FASN: variants seen among roughly 807,000 people sequenced by gnomAD.
FASN encodes the protein 3-hydroxyacyl-[acyl-carrier-protein] dehydratase.
Under a neutral mutation model 250.0 loss-of-function variants are expected in FASN, and 50 were observed. The observed-to-expected ratio is 0.20, with a 90% CI of 0.16 to 0.25. The LOEUF is 0.25. Among genes scored for constraint, FASN ranks in the 10% least tolerant of loss-of-function variants. The probability of loss-of-function intolerance (pLI) is 1.00; values close to 1 mark genes in which losing one functional copy is unlikely to be tolerated. For missense variants in FASN, 3,031 were observed against 3,498.5 expected (o/e 0.87, Z 3.37); for synonymous variants, 1,909 against 1,584.0 (o/e 1.21, Z -4.87).
rs775134840 is a variant in FASN at position 82,082,025 on chromosome 17, C to A, written c.6147G>T (p.Arg2049=). Residue 2049 remains arginine (R), a synonymous_variant, in exon 36 of 43, where the codon CGG becomes CGT. Coordinates refer to ENST00000306749, the MANE Select transcript of FASN (RefSeq NM_004104.5). ...GGGGCCCACCTGGGAGGCCTTCGTG[C>A]CGGCGTTTCTCACAGATACGCTCCA... ...SAMERICEKR[R]HEGLPGLAVQ... The A allele has an allele frequency of 3.7e-6, 6 of 1,609,194 alleles. No individual in the cohort carries two copies. Among genetic ancestry groups the A allele is most frequent in the Non-Finnish European group, 5.1e-6 (6 of 1,179,910 alleles).
At position 82,085,472 on chromosome 17, in the gene FASN, G is replaced by A; in HGVS notation, c.4122+10C>T. 6.3e-7 allele frequency: 1 copy of A among 1,590,618 alleles called. No homozygotes were observed. The highest frequency in any genetic ancestry group is 8.6e-7 in the Non-Finnish European group (1 of 1,169,562). ...GGCCCCCACCCTGTCCCCCTGCCCG[G>A]CGGCCGCACCTGGCTCAGGATGCCC... On this transcript the variant is annotated intron_variant, in intron 23 of 42. Coordinates refer to ENST00000306749, the MANE Select transcript of FASN (RefSeq NM_004104.5).
chr17:82,097,917 C>A lies in FASN; in HGVS notation c.-8+204G>T, dbSNP rs1364333597. Among the ~76,000 whole-genome samples, 3 of 152,152 alleles carry A rather than the reference C, an allele frequency of 2.0e-5. No individual in the cohort carries two copies. In the East Asian group the frequency reaches 5.8e-4, roughly 29 times the overall value. The stretch of plus-strand genomic sequence containing the variant: ...TCCCCGGCGTCCTTCCCCCGCCATC[C>A]GCCCACCTACTCCGCGGGGCCCCGG... On this transcript the variant is annotated intron_variant, in intron 1 of 42. Coordinates refer to ENST00000306749, the MANE Select transcript of FASN (RefSeq NM_004104.5).
chr17:82,079,300 C>A lies in FASN; in HGVS notation c.7399-20G>T, dbSNP rs1225662309. ...GCATACCTGCAGGGGATGCGATCAG[C>A]TGCCGTCCCACCCCACTCCTGTCCC... is the stretch of plus-strand genomic sequence containing the variant. On this transcript the variant is annotated intron_variant, in intron 42 of 42. Coordinates refer to ENST00000306749, the MANE Select transcript of FASN (RefSeq NM_004104.5). 1 of 1,613,024 alleles carries A rather than the reference C, an allele frequency of 6.2e-7. No homozygotes were observed. Among genetic ancestry groups the A allele is most frequent in the Non-Finnish European group, 8.5e-7 (1 of 1,179,934 alleles).
chr17:82,085,146 G>A lies in FASN; in HGVS notation c.4298C>T (p.Ala1433Val). 1 of 1,612,600 alleles carries A rather than the reference G, an allele frequency of 6.2e-7. No homozygotes were observed. Among genetic ancestry groups the A allele is most frequent in the Non-Finnish European group, 8.5e-7 (1 of 1,179,938 alleles). The change falls in exon 25 of 43, where the codon GCT becomes GTT. Residue 1433 changes from alanine (A) to valine (V), a missense_variant. Transcript: ENST00000306749. The stretch of plus-strand genomic sequence containing the variant: ...CACAGGCCGGGAAGAGTCTTCGTCA[G>A]CCAGGATGCCCTACAGCGGGTCGGG... ...RWVESLKGILADEDSSRPVWL... is the reference protein window; with the variant it reads ...RWVESLKGILVDEDSSRPVWL...
intron 3 of FASN, 29 bp from the exon 4 acceptor site, chr17:82,093,800 G>A (rs773050369): frequency 9.3e-6 from 15 of 1,610,034 alleles, no homozygotes; most frequent in South Asian, 6.6e-5. Context: ...AAGGTGCCAC[G>A]GCCGGGCCCC....
At chr17:82,086,712 A>G (rs1255334548) in intron 21 of FASN, among the ~76,000 whole-genome samples, 154 bp from the exon 22 acceptor site, 1 of 152,134 alleles carries the variant, frequency 6.6e-6, no homozygotes, top group South Asian at 2.1e-4. Context: ...GCTGCCCACC[A>G]CTGGGAGGCT....
intron 10 of FASN, 41 bp downstream of exon 10, chr17:82,090,841 T>TGG (rs754746126): frequency 4.5e-6 from 7 of 1,551,242 alleles, no homozygotes; most frequent in Non-Finnish European, 2.6e-6. Flanking sequence ...GCCAGAGCCC[T>TGG]GGGGCTGGCG....
In FASN at chr17:82,091,410, T is replaced by C. The variant is rs766211253; in HGVS notation, c.1304A>G (p.Gln435Arg). 4 of 1,609,718 alleles carry C rather than the reference T, an allele frequency of 2.5e-6. No homozygotes were observed. In the South Asian group the frequency reaches 4.4e-5, roughly 18 times the overall value. Residue 435 changes from glutamine to arginine, a missense_variant, in exon 9 of 43, where the codon CAG becomes CGG. Coordinates refer to ENST00000306749, the MANE Select transcript of FASN (RefSeq NM_004104.5). ...CCGGAGGCCCTGCTCCAGCAGCTTCTGCACGGCCTCAGGGGTGCGTCCGCT... is the reference window on the plus strand; with the variant it reads ...CCGGAGGCCCTGCTCCAGCAGCTTCCGCACGGCCTCAGGGGTGCGTCCGCT... ...RASGRTPEAVQKLLEQGLRHS... is the reference protein window; with the variant it reads ...RASGRTPEAVRKLLEQGLRHS...
rs1325108382 is a variant in FASN at position 82,079,358 on chromosome 17, T to C, written c.7397A>G (p.Gln2466Arg). 1.9e-6 allele frequency: 3 copies of C among 1,612,984 alleles called. No homozygotes were observed. Among genetic ancestry groups the C allele is most frequent in the South Asian group, 1.1e-5 (1 of 91,090 alleles). Residue 2466 changes from glutamine (Q) to arginine (R), a missense_variant and splice_region_variant, in exon 42 of 43, where the codon CAG (glutamine) becomes CGG (arginine). Physicochemically the swap from Gln to Arg is conservative, Grantham distance 43. Coordinates refer to ENST00000306749, the MANE Select transcript of FASN (RefSeq NM_004104.5). ...GTTCCCGTCAGGCCCCTTGCGCACC[T>C]GGGAGAGGTTGTAGTCCGCGCCCAG... ...EDLGADYNLS[Q>R]VCDGKVSVHV... is the part of the protein sequence containing the mutation.
Position 82,088,499 on chromosome 17 carries a change from G to C in FASN, c.2484C>G (p.Pro828=). 6.2e-7 allele frequency: 1 copy of C among 1,609,458 alleles called. No homozygotes were observed. Among genetic ancestry groups the C allele is most frequent in the Non-Finnish European group, 8.5e-7 (1 of 1,177,460 alleles). Reference sequence around the variant, plus strand: ...CCCACTTGATGAGTGGGGAGATGAGGGGAGTTCCTCGGGGAGCTGGGAACT... The same window carrying C: ...CCCACTTGATGAGTGGGGAGATGAGCGGAGTTCCTCGGGGAGCTGGGAACT... ...PVEFPAPRGT[P]LISPLIKWDH... The change falls in exon 16 of 43, where the codon CCC becomes CCG. Residue 828 remains proline (P), a synonymous_variant. Transcript: ENST00000306749.
At position 82,083,080 on chromosome 17, in the gene FASN, C is replaced by A. The variant is rs1238461379; in HGVS notation, c.5601G>T (p.Gly1867=). 1 of 1,611,286 alleles carries A rather than the reference C, an allele frequency of 6.2e-7. No homozygotes were observed. The highest frequency in any genetic ancestry group is 8.5e-7 in the Non-Finnish European group (1 of 1,179,980). The stretch of plus-strand genomic sequence containing the variant: ...TGGCCGACATCAGCTTGGGTTTGGC[C>A]CCCTTCAGCACTGCCTCCGGCTCCT... The part of the protein sequence containing the change: ...LAEEPEAVLK[G]AKPKLMSAIS... Residue 1867 remains glycine (G), a synonymous_variant, in exon 33 of 43, where the codon GGG becomes GGT. Coordinates refer to ENST00000306749, the MANE Select transcript of FASN (RefSeq NM_004104.5).
Position 82,083,611 on chromosome 17 carries a change from C to T in FASN, c.5247G>A (p.Ala1749=), listed in dbSNP as rs776715958. 3.1e-6 allele frequency: 5 copies of T among 1,610,938 alleles called. No individual in the cohort carries two copies. Among genetic ancestry groups the T allele is most frequent in the Non-Finnish European group, 4.2e-6 (5 of 1,179,208 alleles). Residue 1749 remains alanine (A), a synonymous_variant, in exon 31 of 43, where the codon GCG becomes GCA. Coordinates refer to ENST00000306749, the MANE Select transcript of FASN (RefSeq NM_004104.5). ...KGVDLVLNSL[A]EEKLQASVRC... ...TCACGCTGGCCTGCAGCTTCTCTTC[C>T]GCCAAGGAGTTCAAGACCAGGTCAA...
rs1295350756 is a variant in FASN, at chr17:82,082,672, T to G, written c.5774A>C (p.Gln1925Pro). 1.2e-6 allele frequency: 2 copies of G among 1,608,904 alleles called. No homozygotes were observed. Among genetic ancestry groups the G allele is most frequent in the Admixed American group, 3.3e-5 (2 of 60,006 alleles). ...CCTCCACCGGCGGACCTGCTTGGCC[T>G]GGTAGCCTGCGGGACACAGGACTGT... ...TSRSGIRTGY[Q>P]AKQVRRWRRQ... The change falls in exon 34 of 43, where the codon CAG (glutamine) becomes CCG (proline). Residue 1925 changes from glutamine to proline, a missense_variant. Gln to Pro is a moderately conservative substitution (Grantham distance 76). Coordinates refer to ENST00000306749, the MANE Select transcript of FASN (RefSeq NM_004104.5).
rs748423164 is a variant in FASN, at chr17:82,084,892, C to T, written c.4471G>A (p.Ala1491Thr). ...SHVPEVDPGS[A>T]ELQKVLQGDL... ...CCCTGCAACACCTTCTGCAGTTCTGCGGAGCCCGGGTCCACCTCCGGGACG... is the reference window on the plus strand; with the variant it reads ...CCCTGCAACACCTTCTGCAGTTCTGTGGAGCCCGGGTCCACCTCCGGGACG... Residue 1491 changes from alanine (A) to threonine (T), a missense_variant, in exon 26 of 43, where the codon GCA becomes ACA. Coordinates refer to ENST00000306749, the MANE Select transcript of FASN (RefSeq NM_004104.5). The T allele has an allele frequency of 4.2e-5, 65 of 1,550,960 alleles. No individual in the cohort carries two copies. Among genetic ancestry groups the T allele is most frequent in the South Asian group, 9.5e-5 (8 of 84,198 alleles).
chr17:82,097,714 C>A (rs200604639), intron 1 of FASN, among the ~76,000 whole-genome samples: 1 of 151,998 alleles, frequency 6.6e-6, no homozygotes, highest in Non-Finnish European at 1.5e-5. Context: ...GGCCCCTGCG[C>A]CCCCCCGTTC....
At position 82,084,624 on chromosome 17, in the gene FASN, G is replaced by A. The variant is rs1214084171; in HGVS notation, c.4657C>T (p.His1553Tyr). The A allele has an allele frequency of 6.2e-7, 1 of 1,604,838 alleles. No homozygotes were observed. The highest frequency in any genetic ancestry group is 2.2e-5 in the East Asian group (1 of 44,594). ...SIRWVCSSLR[H>Y]AQPTCPGAQL... ...GCGCCAGGGCAGGTGGGCTGGGCATGGCGCAGCGAGGAGCAGACCCAGCGG... is the reference window on the plus strand; with the variant it reads ...GCGCCAGGGCAGGTGGGCTGGGCATAGCGCAGCGAGGAGCAGACCCAGCGG... Residue 1553 changes from histidine (H) to tyrosine (Y), a missense_variant, in exon 27 of 43, where the codon CAT becomes TAT. Physicochemically the swap from His to Tyr is moderately conservative, Grantham distance 83. Coordinates refer to ENST00000306749, the MANE Select transcript of FASN (RefSeq NM_004104.5).
At chr17:82,096,668 C>A in intron 1 of FASN, 2 of 655,068 alleles carry the variant, frequency 3.1e-6, no homozygotes, top group Non-Finnish European at 5.3e-6. Flanking sequence ...GGAACAGGCC[C>A]GCCTCTGGGC....
In FASN at chr17:82,081,642, T is replaced by C; in HGVS notation, c.6365A>G (p.Asp2122Gly). The C allele has an allele frequency of 3.1e-6, 5 of 1,612,462 alleles. No homozygotes were observed. The highest frequency in any genetic ancestry group is 4.2e-6 in the Non-Finnish European group (5 of 1,179,744). Residue 2122 changes from aspartate to glycine, a missense_variant, in exon 37 of 43, where the codon GAC becomes GGC. Transcript: ENST00000306749. ...GGCCTCCACCAGGTCCCGCTGGCTG[T>C]CCCTGTCCCTATAGGCCGCAGCCTT... ...AEKAAAYRDR[D>G]SQRDLVEAVA... is the part of the protein sequence containing the mutation.
At chr17:82,092,325 G>A (rs986642434) in intron 8 of FASN, 130 bp downstream of exon 8, 2 of 988,412 alleles carry the variant, frequency 2.0e-6, no homozygotes, top group Non-Finnish European at 3.0e-6. Context: ...CATAGCCCGG[G>A]GGACAGAGGC....
Sources: allele counts gnomAD v4.1 joint callset (sites outside exome capture counted in the v4.1 genomes callset), GRCh38; gene constraint gnomAD v4.1.1; transcripts MANE v1.5; gene names NCBI Gene and HGNC (gene_info 2026-07-23, HGNC 2026-07-21).